The following CTNNBL1 variants were observed in gnomAD, a reference collection of about 807,000 sequenced individuals.
CTNNBL1 encodes catenin beta like 1.
In CTNNBL1, 31 loss-of-function variants were observed where a neutral mutation model predicts 72.7. That is an observed-to-expected ratio of 0.43 (90% CI 0.32 to 0.58). The LOEUF (loss-of-function observed/expected upper bound fraction) is 0.58. Ranked by LOEUF, CTNNBL1 falls within the 20% of genes least tolerant of loss-of-function variation. CTNNBL1 has a pLI of 0.08. For missense variants in CTNNBL1, 534 were observed against 725.1 expected, an observed-to-expected ratio of 0.74 and a Z score of 3.03; for synonymous variants, 240 against 267.3, an observed-to-expected ratio of 0.90 and a Z score of 1.00.
In CTNNBL1 at chr20:37,851,627, G is replaced by C. The variant is rs570481649; in HGVS notation, c.1393-8272G>C. Among the ~76,000 whole-genome samples, 4 of 152,312 alleles carry C rather than the reference G, an allele frequency of 2.6e-5. No homozygotes were observed. The South Asian group carries it at 6.2e-4, about 24-fold the overall frequency. ...TTGCATGGGTTTCTGTCCTGTTTCTGTTCTGTTTCCTGTTCCCCGTGAGCT... is the reference window on the plus strand; with the variant it reads ...TTGCATGGGTTTCTGTCCTGTTTCTCTTCTGTTTCCTGTTCCCCGTGAGCT... On this transcript the variant is annotated intron_variant, in intron 13 of 15. Coordinates refer to ENST00000361383, the MANE Select transcript of CTNNBL1 (RefSeq NM_030877.5).
chr20:37,788,377 A>G (rs987908887), intron 10 of CTNNBL1, among the ~76,000 whole-genome samples: 1 of 152,254 alleles, frequency 6.6e-6, no homozygotes, highest in African/African-American at 2.4e-5. Flanking sequence ...TTTGCTGTTT[A>G]GGATCATTGG....
At chr20:37,750,135 C>T (rs2073305193) in intron 4 of CTNNBL1, 1 of 152,294 alleles carries the variant, frequency 6.6e-6, no homozygotes, top group Non-Finnish European at 1.5e-5. Context: ...TGTGAGAAAA[C>T]AGCTTGTGCC....
chr20:37,845,966 C>A (rs1010758007), intron 13 of CTNNBL1, among the ~76,000 whole-genome samples: 7 of 152,178 alleles, frequency 4.6e-5, no homozygotes, highest in Admixed American at 4.6e-4. Context: ...GCACAGTGCA[C>A]GTGCCCATGG....
chr20:37,846,720 TCTC>T (rs1255649547), intron 13 of CTNNBL1, among the ~76,000 whole-genome samples: 3 of 152,096 alleles, frequency 2.0e-5, no homozygotes, highest in Non-Finnish European at 2.9e-5. Flanking sequence ...TCCAACCTCT[TCTC>T]CTGCCACTAG....
intron 3 of CTNNBL1, among the ~76,000 whole-genome samples, chr20:37,738,763 G>C (rs1568758143): frequency 6.6e-6 from 1 of 152,228 alleles, no homozygotes; most frequent in Non-Finnish European, 1.5e-5. Flanking sequence ...TAGTAGTTGA[G>C]CTGGGCCTTG....
chr20:37,865,712 T>C (rs966522393), intron 15 of CTNNBL1, among the ~76,000 whole-genome samples: 1 of 152,232 alleles, frequency 6.6e-6, no homozygotes, highest in Non-Finnish European at 1.5e-5. Flanking sequence ...GCCAGTCTTA[T>C]CGATGTTTTA....
At chr20:37,820,490 G>T (rs772243228) in intron 11 of CTNNBL1, among the ~76,000 whole-genome samples, 3 of 152,084 alleles carry the variant, frequency 2.0e-5, no homozygotes, top group Non-Finnish European at 4.4e-5. Flanking sequence ...GATTGATATG[G>T]TTTGGCTCCG....
intron 5 of CTNNBL1, among the ~76,000 whole-genome samples, chr20:37,763,554 A>G (rs1464446169): frequency 1.3e-5 from 2 of 152,178 alleles, no homozygotes; most frequent in Admixed American, 6.5e-5. Context: ...TCACCCAGAC[A>G]GAGTAAAGAG....
At chr20:37,785,436 T>A (rs1233621541) in intron 10 of CTNNBL1, among the ~76,000 whole-genome samples, 1 of 152,208 alleles carries the variant, frequency 6.6e-6, no homozygotes, top group East Asian at 1.9e-4. Context: ...ATCTTGTAGG[T>A]GTGCTTCGTT....
chr20:37,837,722 C>T (rs924280377), intron 11 of CTNNBL1, among the ~76,000 whole-genome samples: 1 of 152,156 alleles, frequency 6.6e-6, no homozygotes, highest in African/African-American at 2.4e-5. Flanking sequence ...CCTGTTTGCC[C>T]CCATGCCCAC....
chr20:37,715,029 T>C (rs2072974005), intron 1 of CTNNBL1, among the ~76,000 whole-genome samples: 1 of 152,208 alleles, frequency 6.6e-6, no homozygotes, highest in African/African-American at 2.4e-5. Flanking sequence ...CAATTTCTTA[T>C]GTGTTTTATG....
At chr20:37,744,971 A>G (rs2073249914) in intron 3 of CTNNBL1, among the ~76,000 whole-genome samples, 2 of 152,174 alleles carry the variant, frequency 1.3e-5, no homozygotes, top group South Asian at 2.1e-4. Flanking sequence ...AGAGTCTGTG[A>G]GTTGAGAAAA....
chr20:37,865,565 C>T (rs1215468598), intron 15 of CTNNBL1, among the ~76,000 whole-genome samples: 3 of 152,202 alleles, frequency 2.0e-5, no homozygotes, highest in Non-Finnish European at 4.4e-5. Flanking sequence ...TGGCTGCCTG[C>T]ATGGGAAGGG....
chr20:37,829,011 C>A (rs1477942082), intron 11 of CTNNBL1, among the ~76,000 whole-genome samples: 1 of 152,210 alleles, frequency 6.6e-6, no homozygotes, highest in Non-Finnish European at 1.5e-5. Flanking sequence ...TGTATTCCAA[C>A]ACACCACTGC....
chr20:37,830,926 T>C lies in CTNNBL1; in HGVS notation c.1214-9176T>C, dbSNP rs79865707. Among the ~76,000 whole-genome samples the C allele has an allele frequency of 3.1e-3, 469 of 152,362 alleles. 3 individuals carry two copies. The highest frequency in any genetic ancestry group is 2.9e-3 in the Non-Finnish European group (198 of 68,028). ...TGTACGGTTTCTACTGAGTGCATAT[T>C]GCATTTGCACCATCGTAAAGACAAA... On this transcript the variant is annotated intron_variant, in intron 11 of 15. Coordinates refer to ENST00000361383, the MANE Select transcript of CTNNBL1 (RefSeq NM_030877.5).
At chr20:37,758,270 G>C (rs766826515) in intron 5 of CTNNBL1, among the ~76,000 whole-genome samples, 1 of 152,104 alleles carries the variant, frequency 6.6e-6, no homozygotes, top group Non-Finnish European at 1.5e-5. Flanking sequence ...GCCTGTAGAC[G>C]ACAAGGCAGT....
At chr20:37,782,257 G>T (rs1363914335) in intron 10 of CTNNBL1, among the ~76,000 whole-genome samples, 3 of 152,070 alleles carry the variant, frequency 2.0e-5, no homozygotes, top group Non-Finnish European at 4.4e-5. Flanking sequence ...TGACGCTTCA[G>T]GAGAACAGTT....
chr20:37,869,557 CTCTCTG>C (rs1401254283), intron 15 of CTNNBL1, among the ~76,000 whole-genome samples: 1 of 152,240 alleles, frequency 6.6e-6, no homozygotes, highest in Non-Finnish European at 1.5e-5. Context: ...CTTCATGCAG[CTCTCTG>C]TCTAGGGAGA....
chr20:37,738,971 C>G (rs1480048888), intron 3 of CTNNBL1, among the ~76,000 whole-genome samples: 1 of 152,080 alleles, frequency 6.6e-6, no homozygotes, highest in Non-Finnish European at 1.5e-5. Flanking sequence ...GGGCCTAGGG[C>G]CACAGCCCTC....
Sources: gnomAD v4.1 joint callset for allele counts (sites outside exome capture counted in the v4.1 genomes callset) on GRCh38, gnomAD v4.1.1 for gene constraint, MANE v1.5 for transcripts, NCBI Gene and HGNC (gene_info 2026-07-23, HGNC 2026-07-21) for gene names.